The following UIMC1 variants were observed in gnomAD, a reference collection of about 807,000 sequenced individuals.
UIMC1 encodes the protein ubiquitin interaction motif containing 1, also known as BRCA1-A complex subunit RAP80.
In UIMC1, 42 loss-of-function variants were observed where a neutral mutation model predicts 84.9. That is an observed-to-expected ratio of 0.49 (90% confidence interval 0.39 to 0.64). The LOEUF (loss-of-function observed/expected upper bound fraction) is 0.64, where lower values mean the gene tolerates loss of function less well. Among genes scored for constraint, UIMC1 ranks in the 30% least tolerant of loss-of-function variants. The probability of loss-of-function intolerance (pLI) is 0.00; values close to 1 mark genes in which losing one functional copy is unlikely to be tolerated. For synonymous variants in UIMC1, 281 were observed against 293.0 expected (o/e 0.96, Z 0.42); for missense variants, 825 against 847.6 (o/e 0.97, Z 0.33).
chr5:176,921,015 T>C (rs934287982), intron 10 of UIMC1, among the ~76,000 whole-genome samples: 4 of 152,234 alleles, frequency 2.6e-5, no homozygotes, highest in African/African-American at 7.2e-5. Flanking sequence ...TCAAATGCTT[T>C]TTCTGTGTCC....
Position 176,958,084 on chromosome 5 carries a change from A to G in UIMC1, c.1262+9T>C. On this transcript the variant is annotated intron_variant, in intron 7 of 14. Transcript: ENST00000511320. Reference sequence around the variant, plus strand: ...AGAGGAGAATGCATAGCAACATATAATCTCTCACCTTTGTGAAGCAGGTAC... The same window carrying G: ...AGAGGAGAATGCATAGCAACATATAGTCTCTCACCTTTGTGAAGCAGGTAC... 3 of 1,613,006 alleles carry G rather than the reference A, an allele frequency of 1.9e-6. No individual in the cohort carries two copies. The highest frequency in any genetic ancestry group is 2.5e-6 in the Non-Finnish European group (3 of 1,179,266).
chr5:176,991,966 T>C (rs1239385736), intron 1 of UIMC1, among the ~76,000 whole-genome samples: 2 of 151,860 alleles, frequency 1.3e-5, no homozygotes, highest in Non-Finnish European at 2.9e-5. Context: ...CAAAAAAATT[T>C]TAAAAATTAG....
intron 10 of UIMC1, among the ~76,000 whole-genome samples, chr5:176,916,976 C>A (rs1033076872): frequency 6.6e-6 from 1 of 152,146 alleles, no homozygotes; most frequent in Non-Finnish European, 1.5e-5. Flanking sequence ...GACAATGATT[C>A]CTTGAGGAGA....
rs1408119307 is a variant in UIMC1 at position 176,931,955 on chromosome 5, A to G, written c.1597+11380T>C. 7.9e-5 allele frequency among the ~76,000 whole-genome samples: 12 copies of G among 152,260 alleles called. No homozygotes were observed. In the East Asian group the frequency reaches 2.3e-3, roughly 29 times the overall value. ...ACCAATGCACTCCAGCCTGGGCGAC[A>G]GAGCGAGAATCCATCTCTAAAAAAC... On this transcript the variant is annotated intron_variant, in intron 10 of 14. Coordinates refer to ENST00000511320, the MANE Select transcript of UIMC1 (RefSeq NM_001199298.2).
At chr5:176,917,166 T>C (rs1290812701) in intron 10 of UIMC1, among the ~76,000 whole-genome samples, 1 of 152,090 alleles carries the variant, frequency 6.6e-6, no homozygotes, top group Non-Finnish European at 1.5e-5. Context: ...CAGTGGGATA[T>C]AAGGAAAAGA....
Position 176,905,270 on chromosome 5 carries a change from G to C in UIMC1, c.*12C>G. On this transcript the variant is annotated 3_prime_UTR_variant, in exon 15 of 15. Transcript: ENST00000511320. ...CTACTAATGGTTTTGTCAACTTTTG[G>C]ACCCTAGAAATTCAGAATTTTCTCC... 6.2e-7 allele frequency: 1 copy of C among 1,613,184 alleles called. No individual in the cohort carries two copies. The highest frequency in any genetic ancestry group is 8.5e-7 in the Non-Finnish European group (1 of 1,179,466).
In UIMC1 at chr5:176,911,374, T is replaced by C. The variant is rs756572266; in HGVS notation, c.1613A>G (p.Gln538Arg). Residue 538 changes from glutamine (Q) to arginine (R), a missense_variant, in exon 11 of 15, where the codon CAA becomes CGA. Coordinates refer to ENST00000511320, the MANE Select transcript of UIMC1 (RefSeq NM_001199298.2). Reference protein sequence around the residue: ...MEEDTVLTRRQKEAKTKSDSG... With the variant: ...MEEDTVLTRRRKEAKTKSDSG... Reference sequence around the variant, plus strand: ...GTCACTCTTGGTCTTGGCCTCTTTTTGTCTCCGAGTCAATACTTTTAATAT... The same window carrying C: ...GTCACTCTTGGTCTTGGCCTCTTTTCGTCTCCGAGTCAATACTTTTAATAT... 1.4e-5 allele frequency: 22 copies of C among 1,592,432 alleles called. No homozygotes were observed. Among genetic ancestry groups the C allele is most frequent in the Non-Finnish European group, 1.9e-5 (22 of 1,168,324 alleles).
chr5:176,911,172 AAAG>A lies in UIMC1; in HGVS notation c.1676+136_1676+138del, dbSNP rs139663077. 1,202 of 199,424 alleles carry A rather than the reference AAAG, an allele frequency of 6.0e-3. 130 individuals carry two copies. Among genetic ancestry groups the A allele is most frequent in the African/African-American group, 0.031 (606 of 19,744 alleles). The allele number at this position is 199,424 out of a possible 1,614,324, so 12.4% of individuals were successfully genotyped here. A position where few individuals can be genotyped will look rare whatever the true frequency, so the allele number is the denominator to read the frequency against. ...AAAGAAAAGAAAAGAAAAGAAAAGA[AAAG>A]AAAATTCAGGCATCCAAGCAATGAA... is the stretch of plus-strand genomic sequence containing the variant. On this transcript the variant is annotated intron_variant, in intron 11 of 14. Transcript: ENST00000511320.
At chr5:176,973,680 G>A (rs1216065845) in intron 3 of UIMC1, among the ~76,000 whole-genome samples, 3 of 152,040 alleles carry the variant, frequency 2.0e-5, no homozygotes, top group African/African-American at 4.8e-5. Flanking sequence ...GAGGTGGGAA[G>A]ATCACTTAAG....
chr5:176,936,020 C>A (rs889658113), intron 10 of UIMC1, among the ~76,000 whole-genome samples: 3 of 152,200 alleles, frequency 2.0e-5, no homozygotes, highest in African/African-American at 7.2e-5. Flanking sequence ...TAATCTATTT[C>A]TCCCTAACTT....
chr5:176,943,262 G>A, intron 10 of UIMC1, 73 bp downstream of exon 10: 1 of 1,502,304 alleles, frequency 6.7e-7, no homozygotes, highest in African/African-American at 1.4e-5. Context: ...TTTTTTCCCT[G>A]CATTGTAATG....
At chr5:176,907,747 G>A (rs1485511420) in intron 12 of UIMC1, among the ~76,000 whole-genome samples, 1 of 152,212 alleles carries the variant, frequency 6.6e-6, no homozygotes, top group Non-Finnish European at 1.5e-5. Context: ...CGACAGAGTT[G>A]ATCTCACATA....
At chr5:176,982,040 G>C (rs1270890265) in intron 2 of UIMC1, among the ~76,000 whole-genome samples, 1 of 152,180 alleles carries the variant, frequency 6.6e-6, no homozygotes, top group African/African-American at 2.4e-5. Context: ...CACTTGAAAT[G>C]TGACTAGTGC....
At chr5:176,948,114 G>A (rs1030025048) in intron 9 of UIMC1, among the ~76,000 whole-genome samples, 1 of 152,088 alleles carries the variant, frequency 6.6e-6, no homozygotes, top group Non-Finnish European at 1.5e-5. Context: ...ACTAGCTCTG[G>A]AGGACTCTGA....
rs144462043 is a variant in UIMC1, at chr5:176,922,365, C to T, written c.1598-10976G>A. On this transcript the variant is annotated intron_variant, in intron 10 of 14. Transcript: ENST00000511320. Reference sequence around the variant, plus strand: ...CTTCTGAATTACTCAGAGGGGCTTTCTAAGTTGAGTACCCTACAATTGGCT... The same window carrying T: ...CTTCTGAATTACTCAGAGGGGCTTTTTAAGTTGAGTACCCTACAATTGGCT... 9.1e-3 allele frequency among the ~76,000 whole-genome samples: 1,386 copies of T among 152,318 alleles called. 8 individuals are homozygous for T. The highest frequency in any genetic ancestry group is 0.025 in the South Asian group (120 of 4,820).
At chr5:176,949,719 A>G (rs1581498259) in intron 9 of UIMC1, among the ~76,000 whole-genome samples, 1 of 152,222 alleles carries the variant, frequency 6.6e-6, no homozygotes, top group Admixed American at 6.5e-5. Flanking sequence ...AGTTACCTGC[A>G]GCGCAGAGAC....
At chr5:176,907,572 T>G (rs1759556820) in intron 12 of UIMC1, among the ~76,000 whole-genome samples, 1 of 152,166 alleles carries the variant, frequency 6.6e-6, no homozygotes, top group South Asian at 2.1e-4. Flanking sequence ...CATTTTAGTG[T>G]GTACAGTGAC....
chr5:176,924,083 C>T (rs6879619), intron 10 of UIMC1, among the ~76,000 whole-genome samples: 41,592 of 151,318 alleles, frequency 0.27, 5,748 homozygotes, highest in Middle Eastern at 0.35. Context: ...TTTGGGGGGC[C>T]GAGGCAGGTG....
At chr5:176,977,204 A>G (rs1770231407) in intron 2 of UIMC1, among the ~76,000 whole-genome samples, 2 of 149,166 alleles carry the variant, frequency 1.3e-5, no homozygotes, top group Admixed American at 1.3e-4. Context: ...GCCTGGGGCA[A>G]GAGAGTAAGA....
Sources: allele counts gnomAD v4.1 joint callset (sites outside exome capture counted in the v4.1 genomes callset), GRCh38; gene constraint gnomAD v4.1.1; transcripts MANE v1.5; gene names NCBI Gene and HGNC (gene_info 2026-07-23, HGNC 2026-07-21).